The following CDH4 variants were observed in gnomAD, a reference collection of about 807,000 sequenced individuals.
CDH4 encodes the protein cadherin-4.
A neutral mutation model predicts 86.0 loss-of-function variants in CDH4; 33 were observed. That is an observed-to-expected ratio of 0.38 (90% CI 0.29 to 0.51). CDH4 has a LOEUF of 0.51. Among genes scored for constraint, CDH4 ranks in the 20% least tolerant of loss-of-function variants. The pLI, the probability that CDH4 is intolerant of heterozygous loss-of-function variation, is 0.86. For missense variants in CDH4, 1,114 were observed against 1,307.4 expected, an observed-to-expected ratio of 0.85 and a Z score of 2.28; for synonymous variants, 555 against 549.4, an observed-to-expected ratio of 1.01 and a Z score of -0.14.
In CDH4 at chr20:61,813,099, T is replaced by A. The variant is rs193065507; in HGVS notation, c.577-31569T>A. On this transcript the variant is annotated intron_variant, in intron 4 of 15. Coordinates refer to ENST00000614565, the MANE Select transcript of CDH4 (RefSeq NM_001794.5). ...TTTTCAAACAGAGAGAGCAAGGTTT[T>A]AAATTATTACTGCCAGAGATTTCAA... Among the ~76,000 whole-genome samples the A allele has an allele frequency of 1.7e-3, 259 of 152,354 alleles. 2 individuals carry two copies. Among genetic ancestry groups the A allele is most frequent in the African/African-American group, 6.0e-3 (249 of 41,588 alleles).
At chr20:61,635,532 C>T (rs2086937471) in intron 2 of CDH4, among the ~76,000 whole-genome samples, 1 of 152,176 alleles carries the variant, frequency 6.6e-6, no homozygotes. Flanking sequence ...TGTGTCCCCT[C>T]CATGTTCTGT....
intron 2 of CDH4, among the ~76,000 whole-genome samples, chr20:61,514,041 G>A (rs942056845): frequency 6.6e-6 from 1 of 152,248 alleles, no homozygotes; most frequent in African/African-American, 2.4e-5. Context: ...AGTTTTTAAA[G>A]GCAGGGGCAC....
At chr20:61,692,635 A>ACGG (rs2087672240) in intron 2 of CDH4, among the ~76,000 whole-genome samples, 1 of 152,246 alleles carries the variant, frequency 6.6e-6, no homozygotes, top group Non-Finnish European at 1.5e-5. Context: ...CCGTGCGAGC[A>ACGG]AATCCCCAGG....
At chr20:61,804,575 T>C (rs1002359733) in intron 4 of CDH4, among the ~76,000 whole-genome samples, 3 of 152,158 alleles carry the variant, frequency 2.0e-5, no homozygotes, top group African/African-American at 7.2e-5. Flanking sequence ...CCTTACCATA[T>C]GGGTTCCCCT....
At chr20:61,602,524 T>C (rs1413365476) in intron 2 of CDH4, among the ~76,000 whole-genome samples, 1 of 151,834 alleles carries the variant, frequency 6.6e-6, no homozygotes, top group African/African-American at 2.4e-5. Flanking sequence ...AAAATAGCCA[T>C]AACACAGCCT....
chr20:61,869,660 C>G (rs1408101980), intron 6 of CDH4, among the ~76,000 whole-genome samples: 1 of 152,256 alleles, frequency 6.6e-6, no homozygotes, highest in Non-Finnish European at 1.5e-5. Flanking sequence ...GCCAAACCCT[C>G]TCACGTCCAC....
Position 61,399,202 on chromosome 20 carries a change from G to T in CDH4, c.169+144265G>T, listed in dbSNP as rs1489047539. On this transcript the variant is annotated intron_variant, in intron 2 of 15. Coordinates refer to ENST00000614565, the MANE Select transcript of CDH4 (RefSeq NM_001794.5). ...CTGCGGACTGCAGTGGCGCAATCTC[G>T]GCTCACTGCAAGCTCCGCTTCCCGG... Among the ~76,000 whole-genome samples the T allele has an allele frequency of 1.6e-4, 7 of 44,546 alleles. 2 individuals are homozygous for T. The highest frequency in any genetic ancestry group is 4.0e-5 in the Non-Finnish European group (1 of 24,876). The allele number at this position is 44,546 out of a possible 152,430, so 29.2% of individuals were successfully genotyped here.
chr20:61,863,879 G>C (rs897301237), intron 6 of CDH4, among the ~76,000 whole-genome samples: 1 of 152,164 alleles, frequency 6.6e-6, no homozygotes, highest in Non-Finnish European at 1.5e-5. Context: ...AGAGGCCCCC[G>C]TCTCCTCCCA....
chr20:61,352,436 G>A (rs1032174278), intron 2 of CDH4, among the ~76,000 whole-genome samples: 4 of 152,202 alleles, frequency 2.6e-5, no homozygotes, highest in Admixed American at 1.3e-4. Context: ...CAGTGAGCAC[G>A]TCTGAAAATG....
At chr20:61,468,869 T>A (rs1410166107) in intron 2 of CDH4, among the ~76,000 whole-genome samples, 1 of 152,230 alleles carries the variant, frequency 6.6e-6, no homozygotes, top group African/African-American at 2.4e-5. Context: ...TCTATCCATC[T>A]TATTTCAGAT....
chr20:61,705,376 G>A (rs928370517), intron 2 of CDH4, among the ~76,000 whole-genome samples: 4 of 152,230 alleles, frequency 2.6e-5, no homozygotes, highest in Non-Finnish European at 5.9e-5. Flanking sequence ...GTTCCACACC[G>A]CAGAGGGAGC....
chr20:61,430,563 G>A (rs932830608), intron 2 of CDH4, among the ~76,000 whole-genome samples: 6 of 152,144 alleles, frequency 3.9e-5, no homozygotes, highest in Admixed American at 2.0e-4. Flanking sequence ...TCGACAGAAC[G>A]GTGACATTTT....
intron 2 of CDH4, among the ~76,000 whole-genome samples, chr20:61,704,091 G>A (rs1220592877): frequency 6.6e-6 from 1 of 152,000 alleles, no homozygotes; most frequent in Non-Finnish European, 1.5e-5. Context: ...CCCCGTCTTG[G>A]GGTCGGGCAC....
At chr20:61,572,043 G>T (rs189164367) in intron 2 of CDH4, among the ~76,000 whole-genome samples, 1 of 152,160 alleles carries the variant, frequency 6.6e-6, no homozygotes, top group East Asian at 1.9e-4. Context: ...GGCCCTTCCC[G>T]CGTGAGTGAG....
At chr20:61,462,913 C>T (rs2085451901) in intron 2 of CDH4, among the ~76,000 whole-genome samples, 1 of 152,150 alleles carries the variant, frequency 6.6e-6, no homozygotes, top group South Asian at 2.1e-4. Flanking sequence ...AGGATCAGAG[C>T]AGGTGGTGAA....
chr20:61,780,525 T>TA (rs1199808771), intron 4 of CDH4, among the ~76,000 whole-genome samples: 2 of 152,238 alleles, frequency 1.3e-5, no homozygotes, highest in Non-Finnish European at 2.9e-5. Flanking sequence ...GACACGGCCC[T>TA]AGTGCCTACC....
At chr20:61,396,834 C>G (rs2145473915) in intron 2 of CDH4, among the ~76,000 whole-genome samples, 1 of 152,276 alleles carries the variant, frequency 6.6e-6, no homozygotes, top group South Asian at 2.1e-4. Flanking sequence ...GGAGGGATGC[C>G]CCAGGGCTCT....
At position 61,252,475 on chromosome 20, in the gene CDH4, G is replaced by C. The variant is rs1254865160; in HGVS notation, c.-39G>C. ...GGCGGCGGCGGCGGCGGCAGGGAGC[G>C]GGCTCCCGGTGCCGGGCACCGGGCG... On this transcript the variant is annotated 5_prime_UTR_variant, in exon 1 of 16. Transcript: ENST00000614565. This position sits in a 1 kb window ranked among gnomAD's most constrained non-coding sequence, Gnocchi z 4.4. 1.0e-5 allele frequency: 11 copies of C among 1,077,784 alleles called. No homozygotes were observed. In the South Asian group the frequency reaches 2.7e-4, roughly 26 times the overall value. 66.8% of individuals were successfully genotyped at this position (1,077,784 alleles called of 1,614,324 possible).
At chr20:61,622,170 C>G (rs1452497825) in intron 2 of CDH4, among the ~76,000 whole-genome samples, 1 of 152,254 alleles carries the variant, frequency 6.6e-6, no homozygotes, top group Non-Finnish European at 1.5e-5. Flanking sequence ...TGCTCCACGT[C>G]TGTAACTGCG....
Sources: gnomAD v4.1 joint callset for allele counts (sites outside exome capture counted in the v4.1 genomes callset) on GRCh38, gnomAD v4.1.1 for gene constraint, Gnocchi (gnomAD v3.1) non-coding constraint, MANE v1.5 for transcripts, NCBI Gene and HGNC (gene_info 2026-07-23, HGNC 2026-07-21) for gene names.